The following SFMBT1 variants were observed in gnomAD, a reference collection of about 807,000 sequenced individuals.
The protein encoded by SFMBT1 is Scm like with four mbt domains 1, also known as scm-like with four MBT domains protein 1.
SFMBT1 carries 32 observed loss-of-function variants against 108.7 expected under a neutral mutation model. That is an observed-to-expected ratio of 0.29 (90% confidence interval 0.22 to 0.40). The LOEUF (loss-of-function observed/expected upper bound fraction) is 0.40, where lower values mean the gene tolerates loss of function less well. SFMBT1 is among the 10% of genes least tolerant of loss of function. The pLI is 1.00. For synonymous variants in SFMBT1, 348 were observed against 369.5 expected (o/e 0.94, Z 0.67); for missense variants, 816 against 1,059.6 (o/e 0.77, Z 3.19).
chr3:52,982,944 T>C (rs1704768036), intron 1 of SFMBT1, among the ~76,000 whole-genome samples: 1 of 152,172 alleles, frequency 6.6e-6, no homozygotes, highest in Non-Finnish European at 1.5e-5. Context: ...GGACTGCTTT[T>C]ATGACAAGAT....
At chr3:52,941,255 T>C (rs1207228976) in intron 4 of SFMBT1, among the ~76,000 whole-genome samples, 4 of 152,110 alleles carry the variant, frequency 2.6e-5, no homozygotes, top group Non-Finnish European at 5.9e-5. Context: ...TTATGAGACA[T>C]GACAACTGAA....
chr3:52,989,035 G>GA (rs1003987063), intron 1 of SFMBT1, among the ~76,000 whole-genome samples: 1 of 152,066 alleles, frequency 6.6e-6, no homozygotes, highest in African/African-American at 2.4e-5. Flanking sequence ...TAAATATATA[G>GA]AAATTTTTGG....
intron 1 of SFMBT1, among the ~76,000 whole-genome samples, chr3:52,995,849 A>T (rs1575426523): frequency 6.7e-6 from 1 of 149,648 alleles, no homozygotes; most frequent in African/African-American, 2.4e-5. Flanking sequence ...AGGCGGGTGG[A>T]TCACCTCAGG....
At chr3:52,990,809 A>ATT (rs1462742331) in intron 1 of SFMBT1, among the ~76,000 whole-genome samples, 6 of 152,208 alleles carry the variant, frequency 3.9e-5, no homozygotes. Context: ...CGCATAAAAC[A>ATT]AGGAAATAAA....
At chr3:52,985,783 GGTAA>G (rs1704884309) in intron 1 of SFMBT1, among the ~76,000 whole-genome samples, 2 of 152,108 alleles carry the variant, frequency 1.3e-5, no homozygotes, top group Admixed American at 6.5e-5. Context: ...GTAACACAAT[GGTAA>G]GTATTTGTGT....
intron 1 of SFMBT1, among the ~76,000 whole-genome samples, chr3:53,017,508 AG>A (rs1699165788): frequency 6.6e-6 from 1 of 152,230 alleles, no homozygotes; most frequent in South Asian, 2.1e-4. Context: ...TAATCAGATC[AG>A]AAGTGTAGTC....
chr3:52,908,139 T>A (rs1185434629), intron 17 of SFMBT1, among the ~76,000 whole-genome samples: 2 of 150,208 alleles, frequency 1.3e-5, no homozygotes, highest in African/African-American at 2.5e-5. Context: ...AGTGGCACGA[T>A]CTCGGCTCAC....
intron 3 of SFMBT1, 47 bp from the exon 4 acceptor site, chr3:52,943,640 G>A (rs1160558823): frequency 1.2e-6 from 2 of 1,612,452 alleles, no homozygotes; most frequent in Non-Finnish European, 1.7e-6. Flanking sequence ...TCTTAAATGA[G>A]TATTTCTTTG....
At chr3:53,007,955 T>C (rs1316551569) in intron 1 of SFMBT1, among the ~76,000 whole-genome samples, 1 of 152,002 alleles carries the variant, frequency 6.6e-6, no homozygotes, top group East Asian at 1.9e-4. Context: ...ATAACTGGCT[T>C]ATAATTTCCA....
chr3:52,965,759 C>A (rs935112649), intron 2 of SFMBT1, among the ~76,000 whole-genome samples: 114 of 152,136 alleles, frequency 7.5e-4, no homozygotes, highest in African/African-American at 2.7e-3. Context: ...GTAATCCTAG[C>A]ACTTTGGGAG....
At chr3:53,045,378 G>C (rs1451923769) in intron 1 of SFMBT1, 1 of 142,646 alleles carries the variant, frequency 7.0e-6, no homozygotes, top group Non-Finnish European at 1.6e-5. Context: ...CGCGGGGCGC[G>C]CGCGGGGAGG....
chr3:52,931,076 CT>C, intron 6 of SFMBT1, 41 bp from the exon 7 acceptor site: 1 of 1,566,694 alleles, frequency 6.4e-7, no homozygotes, highest in Non-Finnish European at 8.8e-7. Flanking sequence ...TGATGAGAAA[CT>C]TATACTTTTT....
chr3:52,960,637 CTCTA>C (rs1294078392), intron 2 of SFMBT1, among the ~76,000 whole-genome samples: 25 of 92,560 alleles, frequency 2.7e-4, no homozygotes, highest in African/African-American at 7.6e-4. Context: ...CTATCTATCT[CTCTA>C]TCTATCTATG....
chr3:52,984,142 T>C (rs73839778), intron 1 of SFMBT1, among the ~76,000 whole-genome samples: 2,203 of 152,148 alleles, frequency 0.014, 53 homozygotes, highest in African/African-American at 0.048. Flanking sequence ...CTGCCACTTA[T>C]GGAAAAAGGG....
chr3:52,975,897 C>A (rs962325408), intron 1 of SFMBT1, among the ~76,000 whole-genome samples: 42 of 152,146 alleles, frequency 2.8e-4, no homozygotes, highest in African/African-American at 1.0e-3. Context: ...GCATGAGCCA[C>A]AACGCAACCA....
intron 1 of SFMBT1, among the ~76,000 whole-genome samples, chr3:53,020,757 A>G (rs1358177758): frequency 6.6e-6 from 1 of 152,128 alleles, no homozygotes; most frequent in Non-Finnish European, 1.5e-5. Context: ...AGGTTTTTCC[A>G]TACTAAGTAA....
intron 1 of SFMBT1, among the ~76,000 whole-genome samples, chr3:53,022,989 T>TA (rs1699366521): frequency 6.6e-6 from 1 of 152,158 alleles, no homozygotes; most frequent in South Asian, 2.1e-4. Context: ...TTTGCCACAA[T>TA]AAAAAATTTA....
intron 2 of SFMBT1, among the ~76,000 whole-genome samples, chr3:52,962,209 C>A (rs972149294): frequency 6.6e-6 from 1 of 152,180 alleles, no homozygotes; most frequent in Non-Finnish European, 1.5e-5. Context: ...ATGTATTTAC[C>A]TTTTGATCCA....
At chr3:52,963,846 G>A (rs143186757) in intron 2 of SFMBT1, among the ~76,000 whole-genome samples, 194 of 152,274 alleles carry the variant, frequency 1.3e-3, no homozygotes, top group Non-Finnish European at 2.4e-3. Context: ...GCACACTGTG[G>A]TTGATATCTA....
Sources: gnomAD v4.1 joint callset for allele counts (sites outside exome capture counted in the v4.1 genomes callset) on GRCh38, gnomAD v4.1.1 for gene constraint, MANE v1.5 for transcripts, NCBI Gene and HGNC (gene_info 2026-07-23, HGNC 2026-07-21) for gene names.